Variants in TMEM184C observed in about 807,000 individuals in gnomAD.
The protein encoded by TMEM184C is transmembrane protein 34.
Under a neutral mutation model 54.5 loss-of-function variants are expected in TMEM184C, and 25 were observed. The observed-to-expected ratio is 0.46, with a 90% CI of 0.33 to 0.64. The LOEUF is 0.64. TMEM184C is among the 30% of genes least tolerant of loss of function. The pLI is 0.02. For missense variants in TMEM184C, 335 were observed against 520.3 expected (o/e 0.64, Z 3.46); for synonymous variants, 148 against 181.5 (o/e 0.82, Z 1.49).
rs1246895809 is a variant in TMEM184C, at chr4:147,635,979, T to A, written c.*1545T>A. On this transcript the variant is annotated 3_prime_UTR_variant, in exon 10 of 10. Coordinates refer to ENST00000296582, the MANE Select transcript of TMEM184C (RefSeq NM_018241.3). ...TACACTGAAAACTATGAAACACTGATGAAAGAAAGACACAAATAAATGGAA... is the reference window on the plus strand; with the variant it reads ...TACACTGAAAACTATGAAACACTGAAGAAAGAAAGACACAAATAAATGGAA... The A allele has an allele frequency of 4.6e-5, 7 of 152,028 alleles. No homozygotes were observed. Among genetic ancestry groups the A allele is most frequent in the Admixed American group, 4.6e-4 (7 of 15,258 alleles). 9.4% of individuals were successfully genotyped at this position (152,028 alleles called of 1,614,324 possible).
rs1732625291 is a variant in TMEM184C at position 147,617,793 on chromosome 4, G to A, written c.-164G>A. 1.1e-6 allele frequency: 1 copy of A among 893,998 alleles called. No homozygotes were observed. The highest frequency in any genetic ancestry group is 2.5e-5 in the East Asian group (1 of 39,954). 55.4% of individuals were successfully genotyped at this position (893,998 alleles called of 1,614,324 possible). ...ATTTGCAGAAGCAGCAGCAGCAGAA[G>A]ACACAGCGCCGGTCCAGGAGGCGGC... On this transcript the variant is annotated 5_prime_UTR_variant, in exon 1 of 10. Transcript: ENST00000296582.
intron 1 of TMEM184C, 142 bp from the exon 2 acceptor site, chr4:147,623,691 TG>T: frequency 1.5e-6 from 1 of 654,602 alleles, no homozygotes; most frequent in Non-Finnish European, 2.5e-6. Context: ...AGGCCCAGGC[TG>T]GTTTCAAACT....
intron 2 of TMEM184C, 42 bp from the exon 3 acceptor site, chr4:147,624,020 T>C (rs750700936): frequency 1.2e-6 from 2 of 1,611,466 alleles, no homozygotes; most frequent in Admixed American, 1.7e-5. Flanking sequence ...TTCATAAATA[T>C]GACATAAAAT....
At chr4:147,632,115 G>C (rs776561637) in intron 7 of TMEM184C, among the ~76,000 whole-genome samples, 8 of 149,432 alleles carry the variant, frequency 5.4e-5, no homozygotes, top group African/African-American at 1.5e-4. Context: ...AGAGGTTGCG[G>C]TGAGCCAAAA....
rs1428429733 is a variant in TMEM184C at position 147,623,744 on chromosome 4, C to G, written c.124-90C>G. 6 of 1,320,898 alleles carry G rather than the reference C, an allele frequency of 4.5e-6. No individual in the cohort carries two copies. In the Admixed American group the frequency reaches 1.2e-4, roughly 27 times the overall value. The allele number at this position is 1,320,898 out of a possible 1,614,324, so 81.8% of individuals were successfully genotyped here. Reference sequence around the variant, plus strand: ...CCTCCCACCTCGGCCTCCCCAAGTGCTAGGATTATAGGCACAAGGCACTGA... The same window carrying G: ...CCTCCCACCTCGGCCTCCCCAAGTGGTAGGATTATAGGCACAAGGCACTGA... On this transcript the variant is annotated intron_variant, in intron 1 of 9. Coordinates refer to ENST00000296582, the MANE Select transcript of TMEM184C (RefSeq NM_018241.3).
chr4:147,633,158 A>T (rs1327931050), intron 8 of TMEM184C, among the ~76,000 whole-genome samples, 156 bp downstream of exon 8: 1 of 152,192 alleles, frequency 6.6e-6, no homozygotes, highest in African/African-American at 2.4e-5. Context: ...GGCCATAATT[A>T]CTAATTTGTA....
chr4:147,629,847 A>T (rs2126552936), intron 6 of TMEM184C, among the ~76,000 whole-genome samples, 155 bp downstream of exon 6: 1 of 151,672 alleles, frequency 6.6e-6, no homozygotes, highest in South Asian at 2.1e-4. Context: ...CTTGAAAAAA[A>T]TTTAATATAT....
At position 147,620,734 on chromosome 4, in the gene TMEM184C, T is replaced by C. The variant is rs1305795112; in HGVS notation, c.123+2655T>C. On this transcript the variant is annotated intron_variant, in intron 1 of 9. Coordinates refer to ENST00000296582, the MANE Select transcript of TMEM184C (RefSeq NM_018241.3). ...TCAAAGATGATTCTGAAGTTTTTTGTTTGAACAACTGTGTAAATGGTGGTG... is the reference window on the plus strand; with the variant it reads ...TCAAAGATGATTCTGAAGTTTTTTGCTTGAACAACTGTGTAAATGGTGGTG... Among the ~76,000 whole-genome samples, 4 of 152,248 alleles carry C rather than the reference T, an allele frequency of 2.6e-5. No individual in the cohort carries two copies. The East Asian group carries it at 7.7e-4, about 29-fold the overall frequency.
chr4:147,622,390 A>G (rs907775709), intron 1 of TMEM184C, among the ~76,000 whole-genome samples: 1 of 152,232 alleles, frequency 6.6e-6, no homozygotes, highest in African/African-American at 2.4e-5. Flanking sequence ...AATTTCAGAA[A>G]TAAGTAATTT....
intron 7 of TMEM184C, 144 bp downstream of exon 7, chr4:147,631,649 C>T: frequency 1.5e-6 from 1 of 647,830 alleles, no homozygotes; most frequent in South Asian, 1.9e-5. Context: ...CTTTTTAGCC[C>T]TTCTACAATT....
intron 1 of TMEM184C, among the ~76,000 whole-genome samples, chr4:147,620,692 T>C (rs1357680237): frequency 1.3e-5 from 2 of 152,040 alleles, no homozygotes; most frequent in African/African-American, 4.8e-5. Context: ...GGAGAAGCAG[T>C]GAGAGAAAGG....
chr4:147,631,627 T>G, intron 7 of TMEM184C, 122 bp downstream of exon 7: 2 of 702,912 alleles, frequency 2.8e-6, no homozygotes. Flanking sequence ...ACTTCTCTTT[T>G]TAAAAGTTCA....
At chr4:147,633,118 G>A (rs1732945575) in intron 8 of TMEM184C, 116 bp downstream of exon 8, 1 of 784,598 alleles carries the variant, frequency 1.3e-6, no homozygotes, top group Admixed American at 2.9e-5. Flanking sequence ...CACTTTACAG[G>A]TGAGAAAACA....
intron 5 of TMEM184C, among the ~76,000 whole-genome samples, chr4:147,629,302 A>T (rs572565651): frequency 1.8e-4 from 28 of 152,006 alleles, no homozygotes; most frequent in Non-Finnish European, 4.0e-4. Flanking sequence ...TAAATTTAGT[A>T]CTCTTTCTAG....
chr4:147,633,761 A>T lies in TMEM184C; in HGVS notation c.880-4A>T. The T allele has an allele frequency of 6.4e-7, 1 of 1,564,246 alleles. No individual in the cohort carries two copies. The highest frequency in any genetic ancestry group is 8.7e-7 in the Non-Finnish European group (1 of 1,152,286). ...TGGCTGTTATCTTATTGTTGTTCTC[A>T]TAGGATTTTATTATCTGTATTGAGA... is the stretch of plus-strand genomic sequence containing the variant. On this transcript the variant is annotated splice_polypyrimidine_tract_variant and splice_region_variant and intron_variant, in intron 8 of 9. Coordinates refer to ENST00000296582, the MANE Select transcript of TMEM184C (RefSeq NM_018241.3).
chr4:147,633,675 C>T, intron 8 of TMEM184C, 90 bp from the exon 9 acceptor site: 1 of 1,095,498 alleles, frequency 9.1e-7, no homozygotes, highest in Non-Finnish European at 1.2e-6. Flanking sequence ...TTTATCTTAG[C>T]ACTTTTGAAA....
intron 8 of TMEM184C, 34 bp downstream of exon 8, chr4:147,633,036 T>C (rs1039931930): frequency 2.6e-6 from 4 of 1,565,126 alleles, no homozygotes; most frequent in Admixed American, 3.4e-5. Context: ...CAATAGAACT[T>C]TACTATTTGT....
chr4:147,622,503 T>C (rs937102511), intron 1 of TMEM184C, among the ~76,000 whole-genome samples: 26 of 152,198 alleles, frequency 1.7e-4, no homozygotes, highest in African/African-American at 5.8e-4. Context: ...TAAGTATATA[T>C]GTATAGGAAA....
intron 4 of TMEM184C, among the ~76,000 whole-genome samples, chr4:147,627,837 G>C (rs1310205083): frequency 6.7e-6 from 1 of 149,992 alleles, no homozygotes; most frequent in Non-Finnish European, 1.5e-5. Flanking sequence ...GTCAAGAGTA[G>C]CCTGGGCAAC....
Sources: allele counts gnomAD v4.1 joint callset (sites outside exome capture counted in the v4.1 genomes callset), GRCh38; gene constraint gnomAD v4.1.1; transcripts MANE v1.5; gene names NCBI Gene and HGNC (gene_info 2026-07-23, HGNC 2026-07-21).